Variants in PTPRD observed in about 807,000 individuals in gnomAD.
The protein encoded by PTPRD is protein tyrosine phosphatase receptor type D, also known as receptor-type tyrosine-protein phosphatase delta.
PTPRD carries 34 observed loss-of-function variants against 214.5 expected under a neutral mutation model. The observed-to-expected ratio is 0.16, with a 90% CI of 0.12 to 0.21. The LOEUF (loss-of-function observed/expected upper bound fraction) is 0.21, where lower values mean the gene tolerates loss of function less well. Among genes scored for constraint, PTPRD ranks in the 10% least tolerant of loss-of-function variants. The pLI, the probability that PTPRD is intolerant of heterozygous loss-of-function variation, is 1.00. For missense variants in PTPRD, 2,545 were observed against 2,398.7 expected (o/e 1.06, Z -1.27); for synonymous variants, 1,128 against 845.7 (o/e 1.33, Z -5.79).
intron 10 of PTPRD, among the ~76,000 whole-genome samples, chr9:9,141,338 G>C (rs1169248240): frequency 6.6e-6 from 1 of 151,560 alleles, no homozygotes; most frequent in African/African-American, 2.4e-5. Flanking sequence ...ACTTGCACTG[G>C]ACCATAACAC....
chr9:9,008,867 G>A (rs955930510), intron 11 of PTPRD, among the ~76,000 whole-genome samples: 6 of 152,012 alleles, frequency 3.9e-5, no homozygotes, highest in Admixed American at 3.9e-4. Context: ...ATTAATTAAG[G>A]AAGCATGTCA....
At chr9:9,202,869 C>G (rs1254650679) in intron 9 of PTPRD, among the ~76,000 whole-genome samples, 1 of 152,122 alleles carries the variant, frequency 6.6e-6, no homozygotes, top group Non-Finnish European at 1.5e-5. Context: ...GTTCTTTAGT[C>G]CGCCTCTTAA....
intron 7 of PTPRD, among the ~76,000 whole-genome samples, chr9:9,626,402 T>A (rs1593401970): frequency 6.6e-6 from 1 of 152,186 alleles, no homozygotes; most frequent in Admixed American, 6.5e-5. Flanking sequence ...CAGGATTTAA[T>A]AAATTTGTAG....
chr9:10,411,637 T>C (rs2098437155), intron 2 of PTPRD, among the ~76,000 whole-genome samples: 1 of 151,804 alleles, frequency 6.6e-6, no homozygotes. Flanking sequence ...AAACAGGTAA[T>C]AAACAAATTG....
intron 9 of PTPRD, among the ~76,000 whole-genome samples, chr9:9,244,286 C>A (rs1382798068): frequency 6.6e-6 from 1 of 152,070 alleles, no homozygotes; most frequent in African/African-American, 2.4e-5. Flanking sequence ...GAAAAAACTA[C>A]TTTAAGGTTC....
intron 5 of PTPRD, among the ~76,000 whole-genome samples, chr9:9,797,982 C>A (rs2099014680): frequency 6.6e-6 from 1 of 152,106 alleles, no homozygotes; most frequent in Non-Finnish European, 1.5e-5. Context: ...CACGAATGTT[C>A]TTGATCATAT....
chr9:8,436,525 G>T (rs957845755), intron 35 of PTPRD, 67 bp downstream of exon 35: 1 of 1,256,002 alleles, frequency 8.0e-7, no homozygotes, highest in South Asian at 1.3e-5. Flanking sequence ...TAATTTTCAA[G>T]AATATGGTCA....
chr9:9,074,295 T>C (rs2099747854), intron 10 of PTPRD, among the ~76,000 whole-genome samples: 1 of 152,066 alleles, frequency 6.6e-6, no homozygotes, highest in Non-Finnish European at 1.5e-5. Flanking sequence ...TGAAAAGAGA[T>C]AAGGAGTAGC....
chr9:10,029,201 C>T (rs889461222), intron 4 of PTPRD, among the ~76,000 whole-genome samples: 1 of 152,154 alleles, frequency 6.6e-6, no homozygotes, highest in Admixed American at 6.5e-5. Context: ...CCTGGATGTC[C>T]AGAAAGAAGT....
At chr9:10,036,475 A>G (rs1462193925) in intron 3 of PTPRD, among the ~76,000 whole-genome samples, 1 of 149,848 alleles carries the variant, frequency 6.7e-6, no homozygotes, top group Non-Finnish European at 1.5e-5. Flanking sequence ...ATCAAAACAA[A>G]TAGCAGCAAG....
intron 7 of PTPRD, among the ~76,000 whole-genome samples, chr9:9,724,804 A>G (rs1476363831): frequency 2.0e-5 from 3 of 152,160 alleles, no homozygotes; most frequent in African/African-American, 7.2e-5. Flanking sequence ...CACAGACATT[A>G]AATAACTCAC....
At chr9:8,609,653 T>A (rs2095369076) in intron 14 of PTPRD, among the ~76,000 whole-genome samples, 2 of 152,114 alleles carry the variant, frequency 1.3e-5, no homozygotes, top group African/African-American at 4.8e-5. Context: ...AAATAAAAAT[T>A]ATAAATCAAC....
At chr9:10,513,264 C>G (rs1405872628) in intron 2 of PTPRD, among the ~76,000 whole-genome samples, 1 of 151,858 alleles carries the variant, frequency 6.6e-6, no homozygotes, top group East Asian at 1.9e-4. Flanking sequence ...AATGTCTAAA[C>G]TGTAGTTACC....
rs145478821 is a variant in PTPRD at position 8,470,488 on chromosome 9, G to T, written c.3504+507C>A. 7.4e-3 allele frequency among the ~76,000 whole-genome samples: 1,125 copies of T among 152,056 alleles called. 11 individuals carry two copies. The highest frequency in any genetic ancestry group is 0.026 in the African/African-American group (1,071 of 41,490). On this transcript the variant is annotated intron_variant, in intron 31 of 45. Transcript: ENST00000381196. ...TTTCTCTATAGTTAAATGCATTTTTGACTCTGAAAACCTACAGAATATAGA... is the reference window on the plus strand; with the variant it reads ...TTTCTCTATAGTTAAATGCATTTTTTACTCTGAAAACCTACAGAATATAGA...
chr9:10,457,902 G>T (rs1351027194), intron 2 of PTPRD, among the ~76,000 whole-genome samples: 1 of 151,930 alleles, frequency 6.6e-6, no homozygotes, highest in Non-Finnish European at 1.5e-5. Context: ...GAAATGTAAA[G>T]GATCATAAGG....
chr9:10,347,381 T>C (rs1044567308), intron 2 of PTPRD, among the ~76,000 whole-genome samples: 2 of 151,868 alleles, frequency 1.3e-5, no homozygotes, highest in Non-Finnish European at 2.9e-5. Flanking sequence ...TTTGTAAAGA[T>C]GGAATGTCCA....
intron 12 of PTPRD, among the ~76,000 whole-genome samples, chr9:8,723,261 G>A (rs2098521498): frequency 6.6e-6 from 1 of 151,982 alleles, no homozygotes; most frequent in Non-Finnish European, 1.5e-5. Flanking sequence ...TTTCATAGCT[G>A]GACCCTTCCC....
intron 2 of PTPRD, among the ~76,000 whole-genome samples, chr9:10,421,719 C>T (rs2098547612): frequency 6.6e-6 from 1 of 151,876 alleles, no homozygotes; most frequent in African/African-American, 2.4e-5. Flanking sequence ...CAGTAACCGT[C>T]TCTTTCATAG....
chr9:9,926,591 T>C (rs1231572334), intron 5 of PTPRD, among the ~76,000 whole-genome samples: 2 of 152,156 alleles, frequency 1.3e-5, no homozygotes, highest in African/African-American at 2.4e-5. Flanking sequence ...AAGATAATTG[T>C]ATCATTAAAA....
Sources: allele counts gnomAD v4.1 joint callset (sites outside exome capture counted in the v4.1 genomes callset), GRCh38; gene constraint gnomAD v4.1.1; transcripts MANE v1.5; gene names NCBI Gene and HGNC (gene_info 2026-07-23, HGNC 2026-07-21).